The following NXN variants were observed in gnomAD, a reference collection of about 807,000 sequenced individuals.
The protein encoded by NXN is nucleoredoxin.
A neutral mutation model predicts 48.6 loss-of-function variants in NXN; 16 were observed. The observed-to-expected ratio is 0.33, with a 90% CI of 0.22 to 0.50. The LOEUF is 0.50. Among genes scored for constraint, NXN ranks in the 20% least tolerant of loss-of-function variants. The probability of loss-of-function intolerance (pLI) is 0.98; values close to 1 mark genes in which losing one functional copy is unlikely to be tolerated. For missense variants in NXN, 492 were observed against 605.5 expected (o/e 0.81, Z 1.97); for synonymous variants, 281 against 269.6 (o/e 1.04, Z -0.41).
chr17:958,452 G>GC lies in NXN; in HGVS notation c.360+20866dup, dbSNP rs1266183926. Among the ~76,000 whole-genome samples, 4 of 151,690 alleles carry GC rather than the reference G, an allele frequency of 2.6e-5. No homozygotes were observed. The highest frequency in any genetic ancestry group is 9.7e-5 in the African/African-American group (4 of 41,268). On this transcript the variant is annotated intron_variant, in intron 1 of 7. Transcript: ENST00000336868. This position sits in a 1 kb window ranked among gnomAD's most constrained non-coding sequence, Gnocchi z 6.9. ...GCTTGAGGCCAGGCGTTCAAAACCA[G>GC]CCCGGGCAACATAGCAGGACTCCAA...
chr17:864,457 C>T (rs990526881), intron 1 of NXN, among the ~76,000 whole-genome samples: 2 of 152,132 alleles, frequency 1.3e-5, no homozygotes, highest in African/African-American at 2.4e-5. Context: ...GTCAGGAGGG[C>T]GGATTGCATG....
At chr17:835,478 G>A (rs1356950818) in intron 1 of NXN, among the ~76,000 whole-genome samples, 1 of 152,100 alleles carries the variant, frequency 6.6e-6, no homozygotes, top group South Asian at 2.1e-4. Flanking sequence ...GACAAAGTGG[G>A]TTATCCAGTT....
chr17:888,297 C>A (rs996371918), intron 1 of NXN, among the ~76,000 whole-genome samples: 2 of 152,196 alleles, frequency 1.3e-5, no homozygotes, highest in African/African-American at 4.8e-5. Context: ...CAGCTCACTG[C>A]AACCTCGACC....
chr17:839,849 C>T (rs1368546638), intron 1 of NXN, among the ~76,000 whole-genome samples: 1 of 143,914 alleles, frequency 6.9e-6, no homozygotes, highest in Non-Finnish European at 1.5e-5. Context: ...ATAATCCCAG[C>T]ACTTTGGGAG....
At chr17:850,122 A>G (rs2067908250) in intron 1 of NXN, among the ~76,000 whole-genome samples, 1 of 152,182 alleles carries the variant, frequency 6.6e-6, no homozygotes, top group South Asian at 2.1e-4. Flanking sequence ...GTGTGCGTGG[A>G]GAGTCCAAGC....
chr17:889,248 A>T (rs1310516813), intron 1 of NXN, among the ~76,000 whole-genome samples: 1 of 152,194 alleles, frequency 6.6e-6, no homozygotes, highest in East Asian at 1.9e-4. Flanking sequence ...TTAAGTGAGA[A>T]GACAGAGCAG....
chr17:843,045 AAAGAAAGAAAGAAGGAAGAAAGCAAGC>A (rs1567829126), intron 1 of NXN, among the ~76,000 whole-genome samples: 143 of 138,138 alleles, frequency 1.0e-3, no homozygotes, highest in African/African-American at 3.5e-3. Flanking sequence ...AGAAAGAAAG[AAAGAAAGAAAGAAGGAAGAAAGCAAGC>A]AAGCAAGCTG....
chr17:900,386 G>A (rs2068526313), intron 1 of NXN, among the ~76,000 whole-genome samples: 1 of 152,116 alleles, frequency 6.6e-6, no homozygotes, highest in African/African-American at 2.4e-5. Flanking sequence ...GCTGCCCAAG[G>A]CCACAATGCC....
chr17:803,598 C>T, intron 7 of NXN, 84 bp downstream of exon 7: 1 of 1,574,218 alleles, frequency 6.4e-7, no homozygotes, highest in Non-Finnish European at 8.7e-7. Context: ...GGGGTCCTTT[C>T]AGGCAACCCT....
chr17:951,460 C>G (rs1013569411), intron 1 of NXN, among the ~76,000 whole-genome samples: 1 of 151,730 alleles, frequency 6.6e-6, no homozygotes, highest in Non-Finnish European at 1.5e-5. Flanking sequence ...AATTCTGCAG[C>G]CTGATCTCTC....
chr17:947,753 AAG>A (rs2069060347), intron 1 of NXN, among the ~76,000 whole-genome samples: 2 of 147,632 alleles, frequency 1.4e-5, no homozygotes, highest in African/African-American at 5.0e-5. Flanking sequence ...AAAAAAAAAA[AAG>A]GGCCAGGCAT....
intron 4 of NXN, among the ~76,000 whole-genome samples, chr17:820,230 C>T (rs1912748599): frequency 6.6e-6 from 1 of 152,150 alleles, no homozygotes; most frequent in African/African-American, 2.4e-5. Context: ...ATGGTACGTA[C>T]ATTGGTCAGC....
intron 5 of NXN, among the ~76,000 whole-genome samples, chr17:810,326 A>AGTCTGTGACTGGT (rs1273428045): frequency 1.5e-4 from 22 of 150,498 alleles, no homozygotes; most frequent in East Asian, 2.0e-4. Context: ...GCACGTTACG[A>AGTCTGTGACTGGT]GTGCATGTGA....
intron 1 of NXN, among the ~76,000 whole-genome samples, chr17:852,363 C>T (rs1340880030): frequency 6.6e-6 from 1 of 152,148 alleles, no homozygotes; most frequent in East Asian, 1.9e-4. Flanking sequence ...GGACGTGGGC[C>T]ACAGGATCCC....
intron 5 of NXN, among the ~76,000 whole-genome samples, chr17:812,863 TGTGTGTGG>T (rs1408131475): frequency 2.6e-5 from 2 of 76,306 alleles, no homozygotes; most frequent in African/African-American, 4.8e-5. Flanking sequence ...TGTGTGTAGG[TGTGTGTGG>T]GTGTGTGCGC....
At chr17:938,083 C>T (rs1052288013) in intron 1 of NXN, among the ~76,000 whole-genome samples, 1 of 151,764 alleles carries the variant, frequency 6.6e-6, no homozygotes, top group Non-Finnish European at 1.5e-5. Flanking sequence ...GCCAACCTTG[C>T]AATGGCCTTC....
intron 1 of NXN, among the ~76,000 whole-genome samples, chr17:938,960 G>A (rs1282769953): frequency 1.3e-5 from 2 of 151,452 alleles, no homozygotes; most frequent in East Asian, 2.0e-4. Context: ...GCTGAGGCAG[G>A]AGAATTGCTT....
At chr17:925,045 G>T (rs2068785829) in intron 1 of NXN, among the ~76,000 whole-genome samples, 1 of 152,224 alleles carries the variant, frequency 6.6e-6, no homozygotes, top group African/African-American at 2.4e-5. Context: ...GGATTCAGGT[G>T]TAAGAACTAG....
chr17:955,166 T>TC (rs1267227599), intron 1 of NXN, among the ~76,000 whole-genome samples: 34 of 148,208 alleles, frequency 2.3e-4, no homozygotes, highest in African/African-American at 8.2e-4. Flanking sequence ...CTCTTTCTTT[T>TC]TTTTTTTTTT....
Sources: gnomAD v4.1 joint callset for allele counts (sites outside exome capture counted in the v4.1 genomes callset) on GRCh38, gnomAD v4.1.1 for gene constraint, Gnocchi (gnomAD v3.1) non-coding constraint, MANE v1.5 for transcripts, NCBI Gene and HGNC (gene_info 2026-07-23, HGNC 2026-07-21) for gene names.